Variants in CEP44 observed in about 807,000 individuals in gnomAD.
CEP44 encodes centrosomal protein of 44 kDa.
In CEP44, 45 loss-of-function variants were observed where a neutral mutation model predicts 46.7. The observed-to-expected ratio is 0.96, with a 90% CI of 0.76 to 1.24. The LOEUF is 1.24. Ranked by LOEUF, CEP44 falls within the 50% of genes most tolerant of loss-of-function variation. CEP44 has a pLI of 0.00. For missense variants in CEP44, 475 were observed against 459.7 expected (o/e 1.03, Z -0.30); for synonymous variants, 142 against 146.0 (o/e 0.97, Z 0.20).
rs541086509 is a variant in CEP44 at position 174,329,662 on chromosome 4, C to T, written c.1087-1820C>T. Among the ~76,000 whole-genome samples the T allele has an allele frequency of 1.4e-3, 207 of 152,056 alleles. No homozygotes were observed. Among genetic ancestry groups the T allele is most frequent in the African/African-American group, 4.7e-3 (195 of 41,502 alleles). On this transcript the variant is annotated intron_variant, in intron 8 of 8. Coordinates refer to the CEP44 transcript ENST00000426172. The surrounding 1 kb of genome is among the most constrained non-coding windows in gnomAD (Gnocchi z 4.0). The stretch of plus-strand genomic sequence containing the variant: ...AAGGGGAAAAGTTCAAAAGGTACTT[C>T]ATAACTTTTTTTTTTAGGTTTAGAG...
At position 174,310,736 on chromosome 4, in the gene CEP44, G is replaced by T. The variant is rs775632679; in HGVS notation, c.886-47G>T. 1.4e-4 allele frequency: 117 copies of T among 854,444 alleles called. No individual in the cohort carries two copies. The highest frequency in any genetic ancestry group is 2.1e-4 in the Non-Finnish European group (111 of 524,752). 52.9% of individuals were successfully genotyped at this position (854,444 alleles called of 1,614,324 possible). A position where few individuals can be genotyped will look rare whatever the true frequency, so the allele number is the denominator to read the frequency against. Reference sequence around the variant, plus strand: ...CAGCATTAAGAATATAAAATGAGAGGGTTTTTCTTTTTATTTCATTCTAAA... The same window carrying T: ...CAGCATTAAGAATATAAAATGAGAGTGTTTTTCTTTTTATTTCATTCTAAA... On this transcript the variant is annotated intron_variant, in intron 8 of 11. Transcript: ENST00000503780. The surrounding 1 kb of genome is among the most constrained non-coding windows in gnomAD (Gnocchi z 4.2).
In CEP44 at chr4:174,286,374, A is replaced by G. The variant is rs1737587413; in HGVS notation, c.-148+2431A>G. The stretch of plus-strand genomic sequence containing the variant: ...GTAATGCGAATTGGAGGAAAAGATC[A>G]CACTAACCCAGCTTCACCTGATTTA... On this transcript the variant is annotated intron_variant, in intron 1 of 11. Transcript: ENST00000503780. The surrounding 1 kb of genome is among the most constrained non-coding windows in gnomAD (Gnocchi z 5.2). Among the ~76,000 whole-genome samples the G allele has an allele frequency of 3.3e-5, 5 of 152,226 alleles. No individual in the cohort carries two copies. In the South Asian group the frequency reaches 1.0e-3, roughly 32 times the overall value.
At chr4:174,328,718 T>G (rs1731144254) in intron 8 of CEP44, among the ~76,000 whole-genome samples, 1 of 152,194 alleles carries the variant, frequency 6.6e-6, no homozygotes, top group Non-Finnish European at 1.5e-5. Flanking sequence ...ACAAATATGA[T>G]TTTTTAACCA....
At chr4:174,291,029 G>A (rs2126508189) in intron 1 of CEP44, among the ~76,000 whole-genome samples, 1 of 152,268 alleles carries the variant, frequency 6.6e-6, no homozygotes, top group African/African-American at 2.4e-5. Flanking sequence ...TAGCCTACGT[G>A]TGTCCTTAAA....
Position 174,288,236 on chromosome 4 carries a change from C to G in CEP44, c.-148+4293C>G, listed in dbSNP as rs1277178320. 6.6e-6 allele frequency among the ~76,000 whole-genome samples: 1 copy of G among 152,140 alleles called. No homozygotes were observed. The highest frequency in any genetic ancestry group is 6.5e-5 in the Admixed American group (1 of 15,276). Reference sequence around the variant, plus strand: ...CCATTATTACTACAAGAAATCAATGCCATCACCTTGAAAAGTTTCCTTCTA... The same window carrying G: ...CCATTATTACTACAAGAAATCAATGGCATCACCTTGAAAAGTTTCCTTCTA... On this transcript the variant is annotated intron_variant, in intron 1 of 11. Coordinates refer to ENST00000503780, the MANE Select transcript of CEP44 (RefSeq NM_001040157.3). The surrounding 1 kb of genome is among the most constrained non-coding windows in gnomAD (Gnocchi z 4.6).
downstream of CEP44, among the ~76,000 whole-genome samples, chr4:174,324,980 G>A (rs114661669): frequency 6.9e-3 from 1,054 of 152,218 alleles, 6 homozygotes; most frequent in Non-Finnish European, 0.01. Flanking sequence ...TTTCATCTGC[G>A]TTGTGCTGGG....
intron 1 of CEP44, among the ~76,000 whole-genome samples, chr4:174,293,966 T>G (rs1276151436): frequency 6.6e-6 from 1 of 152,134 alleles, no homozygotes; most frequent in Non-Finnish European, 1.5e-5. Flanking sequence ...AAGTGTGTAG[T>G]GGTATTTTGG....
At chr4:174,304,165 A>C (rs946234905) in intron 5 of CEP44, 82 bp from the exon 6 acceptor site, 8 of 1,424,264 alleles carry the variant, frequency 5.6e-6, no homozygotes, top group Non-Finnish European at 7.5e-6. Flanking sequence ...CATATATGAA[A>C]ATTTAAATGT....
chr4:174,318,931 TC>T lies in CEP44; in HGVS notation c.*1550del, dbSNP rs1742033963. 1 of 247,138 alleles carries T rather than the reference TC, an allele frequency of 4.0e-6. No homozygotes were observed. The highest frequency in any genetic ancestry group is 6.5e-5 in the Admixed American group (1 of 15,328). 15.3% of individuals were successfully genotyped at this position (247,138 alleles called of 1,614,324 possible). On this transcript the variant is annotated 3_prime_UTR_variant, in exon 12 of 12. Coordinates refer to ENST00000503780, the MANE Select transcript of CEP44 (RefSeq NM_001040157.3). ...TTCAAGCGATTCTTGTGCTTCAGCC[TC>T]CTGAGTAGCTGGGACTATAGGCCTG...
In CEP44 at chr4:174,309,758, T is replaced by G; in HGVS notation, c.679-92T>G. 1.1e-6 allele frequency: 1 copy of G among 874,966 alleles called. No individual in the cohort carries two copies. Among genetic ancestry groups the G allele is most frequent in the Non-Finnish European group, 1.8e-6 (1 of 567,048 alleles). 54.2% of individuals were successfully genotyped at this position (874,966 alleles called of 1,614,324 possible). ...CTCAAGCAGGACGGTCTCTCCTAAC[T>G]GTTGAGATAACGCTGTGGAAGTGAG... On this transcript the variant is annotated intron_variant, in intron 7 of 11. Transcript: ENST00000503780. This position sits in a 1 kb window ranked among gnomAD's most constrained non-coding sequence, Gnocchi z 5.3.
rs1448521636 is a variant in CEP44, at chr4:174,290,517, A to G, written c.-148+6574A>G. On this transcript the variant is annotated intron_variant, in intron 1 of 11. Transcript: ENST00000503780. The surrounding 1 kb of genome is among the most constrained non-coding windows in gnomAD (Gnocchi z 4.3). ...TTTTGAGAAGAATGATTATTTTGCT[A>G]TGGTTGGGTCTCATGTTCTGTATAT... 6.6e-6 allele frequency among the ~76,000 whole-genome samples: 1 copy of G among 151,504 alleles called. No homozygotes were observed. Among genetic ancestry groups the G allele is most frequent in the East Asian group, 1.9e-4 (1 of 5,192 alleles).
intron 8 of CEP44, among the ~76,000 whole-genome samples, chr4:174,327,313 A>G (rs1177098127): frequency 6.6e-6 from 1 of 150,958 alleles, no homozygotes; most frequent in Non-Finnish European, 1.5e-5. Flanking sequence ...AATATTAAAG[A>G]AAACCTAAAT....
chr4:174,298,300 C>T (rs1242404633), intron 2 of CEP44, among the ~76,000 whole-genome samples: 1 of 150,174 alleles, frequency 6.7e-6, no homozygotes, highest in African/African-American at 2.4e-5. Context: ...CTCAGCCTCC[C>T]AAGTAGCTGG....
chr4:174,304,349 A>G lies in CEP44; in HGVS notation c.487A>G (p.Arg163Gly). The change falls in exon 6 of 12, where the codon AGG becomes GGG. Residue 163 changes from arginine (R) to glycine (G), a missense_variant. Transcript: ENST00000503780. The part of the protein sequence containing the change: ...AEAVGVDISG[R>G]FMTSGKKKAV... ...GGCTGTTGGCGTTGATATCAGTGGC[A>G]GGTTTATGACCTCAGGAAAGGTATG... The G allele has an allele frequency of 6.2e-7, 1 of 1,611,604 alleles. No homozygotes were observed. The highest frequency in any genetic ancestry group is 1.1e-5 in the South Asian group (1 of 90,296).
rs1216064330 is a variant in CEP44, at chr4:174,329,331, C to G, written c.1087-2151C>G. Among the ~76,000 whole-genome samples, 1 of 148,268 alleles carries G rather than the reference C, an allele frequency of 6.7e-6. No individual in the cohort carries two copies. The highest frequency in any genetic ancestry group is 1.5e-5 in the Non-Finnish European group (1 of 65,924). ...GGAAAGCCCTTTGCTCAAACACAGA[C>G]ACACACACAGACACACACACACACA... is the stretch of plus-strand genomic sequence containing the variant. On this transcript the variant is annotated intron_variant, in intron 8 of 8. Transcript: ENST00000426172. This position sits in a 1 kb window ranked among gnomAD's most constrained non-coding sequence, Gnocchi z 4.0.
Position 174,309,754 on chromosome 4 carries a change from TA to T in CEP44, c.679-94del. On this transcript the variant is annotated intron_variant, in intron 7 of 11. Coordinates refer to ENST00000503780, the MANE Select transcript of CEP44 (RefSeq NM_001040157.3). This position sits in a 1 kb window ranked among gnomAD's most constrained non-coding sequence, Gnocchi z 5.3. ...AACTCTCAAGCAGGACGGTCTCTCCTAACTGTTGAGATAACGCTGTGGAAGT... is the reference window on the plus strand; with the variant it reads ...AACTCTCAAGCAGGACGGTCTCTCCTACTGTTGAGATAACGCTGTGGAAGT... The T allele has an allele frequency of 1.2e-6, 1 of 856,902 alleles. No individual in the cohort carries two copies. Among genetic ancestry groups the T allele is most frequent in the Non-Finnish European group, 1.8e-6 (1 of 552,626 alleles). The allele number at this position is 856,902 out of a possible 1,614,324, so 53.1% of individuals were successfully genotyped here.
intron 10 of CEP44, 22 bp from the exon 11 acceptor site, chr4:174,316,508 T>G (rs762592463): frequency 6.4e-7 from 1 of 1,566,906 alleles, no homozygotes; most frequent in South Asian, 1.2e-5. Context: ...ATCATCTAAA[T>G]TTGTTGCTTT....
At chr4:174,295,084 C>T (rs1355994220) in intron 1 of CEP44, among the ~76,000 whole-genome samples, 4 of 149,950 alleles carry the variant, frequency 2.7e-5, no homozygotes, top group Non-Finnish European at 5.9e-5. Context: ...GGGGGCTGAT[C>T]CCCCCACCTC....
In CEP44 at chr4:174,316,221, T is replaced by G. The variant is rs759691146; in HGVS notation, c.1017T>G (p.Ser339Arg). 5.0e-6 allele frequency: 8 copies of G among 1,613,646 alleles called. No individual in the cohort carries two copies. The East Asian group carries it at 1.8e-4, about 36-fold the overall frequency. The change falls in exon 10 of 12, where the codon AGT (serine) becomes AGG (arginine). Residue 339 changes from serine (S) to arginine (R), a missense_variant. Physicochemically the swap from Ser to Arg is moderately radical, Grantham distance 110. Coordinates refer to ENST00000503780, the MANE Select transcript of CEP44 (RefSeq NM_001040157.3). ...PASIPLSSGY[S>R]TASSDSTPRA... ...GTATTCCTCTGTCCTCTGGCTATAG[T>G]ACAGCATCATCAGATTCAACTCCCA...
Sources: allele counts gnomAD v4.1 joint callset (sites outside exome capture counted in the v4.1 genomes callset), GRCh38; gene constraint gnomAD v4.1.1; non-coding constraint Gnocchi (gnomAD v3.1); transcripts MANE v1.5; gene names NCBI Gene and HGNC (gene_info 2026-07-23, HGNC 2026-07-21).